The following STPG2 variants were observed in gnomAD, a reference collection of about 807,000 sequenced individuals.
The protein encoded by STPG2 is sperm tail PG-rich repeat containing 2, also known as sperm-tail PG-rich repeat-containing protein 2.
Under a neutral mutation model 54.2 loss-of-function variants are expected in STPG2, and 56 were observed. The observed-to-expected ratio is 1.03, with a 90% CI of 0.83 to 1.29. The LOEUF is 1.29. Ranked by LOEUF, STPG2 falls within the 50% of genes most tolerant of loss-of-function variation. The pLI is 0.00. For synonymous variants in STPG2, 200 were observed against 181.8 expected, an observed-to-expected ratio of 1.10 and a Z score of -0.81; for missense variants, 596 against 544.9, an observed-to-expected ratio of 1.09 and a Z score of -0.93.
At chr4:97,842,337 T>C (rs190222499) in intron 8 of STPG2, among the ~76,000 whole-genome samples, 1 of 151,958 alleles carries the variant, frequency 6.6e-6, no homozygotes, top group Non-Finnish European at 1.5e-5. Flanking sequence ...AGGCTGAAAA[T>C]AAGCAACAGA....
intron 9 of STPG2, among the ~76,000 whole-genome samples, chr4:97,720,000 T>G (rs554295410): frequency 6.6e-6 from 1 of 152,082 alleles, no homozygotes; most frequent in South Asian, 2.1e-4. Context: ...TTCTTTTCAG[T>G]ATACATCCTT....
chr4:97,888,432 CAA>C (rs1730659065), intron 8 of STPG2, among the ~76,000 whole-genome samples: 1 of 152,194 alleles, frequency 6.6e-6, no homozygotes. Context: ...GACATAGAGT[CAA>C]GAGAGATTAT....
chr4:97,495,512 T>C (rs1017280688), intron 4 of STPG2, among the ~76,000 whole-genome samples: 1 of 151,324 alleles, frequency 6.6e-6, no homozygotes, highest in Non-Finnish European at 1.5e-5. Flanking sequence ...TCAGATTCTA[T>C]AAGGCAATAT....
chr4:97,656,219 A>G (rs1722214808), intron 10 of STPG2, among the ~76,000 whole-genome samples: 1 of 152,146 alleles, frequency 6.6e-6, no homozygotes, highest in Non-Finnish European at 1.5e-5. Flanking sequence ...GTATTGCCAC[A>G]TCCTGACTCA....
chr4:97,715,739 C>T (rs1724264184), intron 9 of STPG2, among the ~76,000 whole-genome samples: 1 of 151,958 alleles, frequency 6.6e-6, no homozygotes. Context: ...CATACTAAAA[C>T]CCTGGAAGAA....
At chr4:97,800,208 C>T (rs762454715) in intron 9 of STPG2, among the ~76,000 whole-genome samples, 22 of 152,208 alleles carry the variant, frequency 1.4e-4, no homozygotes, top group Non-Finnish European at 2.8e-4. Flanking sequence ...TGTCCAGCTT[C>T]GTTCCATTAC....
chr4:98,123,088 T>A (rs1739727425), intron 3 of STPG2, among the ~76,000 whole-genome samples: 4 of 152,078 alleles, frequency 2.6e-5, no homozygotes, highest in Admixed American at 2.6e-4. Context: ...CTTCTCTCTT[T>A]TCTTCTTTGT....
At chr4:97,914,428 ATTG>A (rs930310602) in intron 8 of STPG2, among the ~76,000 whole-genome samples, 3 of 152,126 alleles carry the variant, frequency 2.0e-5, no homozygotes, top group Non-Finnish European at 2.9e-5. Context: ...AACTTTTTTT[ATTG>A]TTGTAAGACA....
chr4:97,473,282 C>T (rs1729984403), intron 4 of STPG2, among the ~76,000 whole-genome samples: 2 of 152,154 alleles, frequency 1.3e-5, no homozygotes, highest in Non-Finnish European at 2.9e-5. Flanking sequence ...TCTCTTCTTT[C>T]AAAAGCAAAT....
At chr4:97,745,532 C>T (rs910746314) in intron 9 of STPG2, among the ~76,000 whole-genome samples, 1 of 150,976 alleles carries the variant, frequency 6.6e-6, no homozygotes, top group Admixed American at 6.6e-5. Context: ...AATATCACAG[C>T]TTCATATATT....
intron 4 of STPG2, among the ~76,000 whole-genome samples, chr4:97,501,028 G>A (rs1730714758): frequency 6.6e-6 from 1 of 152,006 alleles, no homozygotes; most frequent in Non-Finnish European, 1.5e-5. Context: ...GGATCATCTA[G>A]AAGAGATAGA....
intron 5 of STPG2, among the ~76,000 whole-genome samples, chr4:98,056,814 G>A (rs1162748499): frequency 6.6e-6 from 1 of 151,790 alleles, no homozygotes; most frequent in Non-Finnish European, 1.5e-5. Flanking sequence ...ATAAGATTTG[G>A]TTGTTTAAAA....
chr4:98,007,807 TA>T (rs1429817126), intron 5 of STPG2, among the ~76,000 whole-genome samples: 1 of 151,786 alleles, frequency 6.6e-6, no homozygotes, highest in African/African-American at 2.4e-5. Context: ...AAAAATGCAT[TA>T]AAAAATTATA....
At position 97,665,989 on chromosome 4, in the gene STPG2, T is replaced by A. The variant is rs114959635; in HGVS notation, c.1320+46710A>T. ...GCAGGCACTTACAAGCCTATGGGGG[T>A]AGGGGAGGCCTTCCTGGGCTCCCAA... On this transcript the variant is annotated intron_variant, in intron 10 of 10. Coordinates refer to ENST00000295268, the MANE Select transcript of STPG2 (RefSeq NM_174952.3). Among the ~76,000 whole-genome samples, 970 of 151,764 alleles carry A rather than the reference T, an allele frequency of 6.4e-3. 11 individuals carry two copies. The highest frequency in any genetic ancestry group is 0.022 in the African/African-American group (930 of 41,376).
At chr4:97,932,573 G>A (rs1732591931) in intron 8 of STPG2, among the ~76,000 whole-genome samples, 1 of 152,030 alleles carries the variant, frequency 6.6e-6, no homozygotes, top group Admixed American at 6.6e-5. Context: ...GTGTCCATGT[G>A]TTCTCATTTT....
intron 5 of STPG2, among the ~76,000 whole-genome samples, chr4:98,047,444 C>T (rs2149311482): frequency 6.6e-6 from 1 of 152,274 alleles, no homozygotes; most frequent in South Asian, 2.1e-4. Flanking sequence ...ATTGTGCAGG[C>T]AAATCCCTTC....
At chr4:98,130,891 C>T (rs1012943402) in intron 2 of STPG2, among the ~76,000 whole-genome samples, 1 of 133,448 alleles carries the variant, frequency 7.5e-6, no homozygotes, top group African/African-American at 2.9e-5. Flanking sequence ...CACTGCACTC[C>T]AGCCTGGGAG....
At chr4:97,905,745 A>T (rs1731388149) in intron 8 of STPG2, among the ~76,000 whole-genome samples, 1 of 152,210 alleles carries the variant, frequency 6.6e-6, no homozygotes, top group South Asian at 2.1e-4. Context: ...GGCTCAAAAT[A>T]AAAGGATGGA....
At chr4:98,061,505 T>C (rs1407822888) in intron 5 of STPG2, among the ~76,000 whole-genome samples, 1 of 152,032 alleles carries the variant, frequency 6.6e-6, no homozygotes, top group Admixed American at 6.6e-5. Flanking sequence ...TCCAATCACC[T>C]CCCACCAGGT....
Sources: gnomAD v4.1 joint callset for allele counts (sites outside exome capture counted in the v4.1 genomes callset) on GRCh38, gnomAD v4.1.1 for gene constraint, MANE v1.5 for transcripts, NCBI Gene and HGNC (gene_info 2026-07-23, HGNC 2026-07-21) for gene names.